Variants in TSHZ2 observed in about 807,000 individuals in gnomAD.
The protein encoded by TSHZ2 is teashirt homolog 2.
In TSHZ2, 21 loss-of-function variants were observed where a neutral mutation model predicts 74.4. That is an observed-to-expected ratio of 0.28 (90% CI 0.20 to 0.41). The LOEUF is 0.41. TSHZ2 is among the 10% of genes least tolerant of loss of function. TSHZ2 has a pLI of 1.00. For missense variants in TSHZ2, 1,244 were observed against 1,293.5 expected, an observed-to-expected ratio of 0.96 and a Z score of 0.59; for synonymous variants, 540 against 515.3, an observed-to-expected ratio of 1.05 and a Z score of -0.65.
intron 1 of TSHZ2, among the ~76,000 whole-genome samples, chr20:53,213,670 C>A (rs557964045): frequency 1.4e-5 from 2 of 147,736 alleles, no homozygotes; most frequent in South Asian, 4.4e-4. Context: ...TTTGGGACAC[C>A]ATTAAGAATT....
At chr20:53,459,634 T>C (rs1198776013) in intron 2 of TSHZ2, among the ~76,000 whole-genome samples, 5 of 142,584 alleles carry the variant, frequency 3.5e-5, no homozygotes, top group Non-Finnish European at 6.0e-5. Context: ...CGTTAGTTGA[T>C]GCAGTTTCTT....
At chr20:53,182,858 A>G (rs1013847351) in intron 1 of TSHZ2, among the ~76,000 whole-genome samples, 1 of 152,124 alleles carries the variant, frequency 6.6e-6, no homozygotes, top group Admixed American at 6.5e-5. Context: ...ATAACCCCAA[A>G]TTTAGACACA....
intron 1 of TSHZ2, among the ~76,000 whole-genome samples, chr20:53,128,319 A>G (rs1475375138): frequency 6.6e-6 from 1 of 152,232 alleles, no homozygotes; most frequent in African/African-American, 2.4e-5. Context: ...TTTAGTATCA[A>G]CCAGCTACAT....
intron 1 of TSHZ2, among the ~76,000 whole-genome samples, chr20:52,991,410 G>A (rs1388739011): frequency 2.1e-5 from 3 of 143,972 alleles, no homozygotes; most frequent in Non-Finnish European, 3.0e-5. Context: ...TGTTGTGGGG[G>A]GAGAGAGTGT....
intron 1 of TSHZ2, among the ~76,000 whole-genome samples, chr20:53,023,924 C>T (rs925286716): frequency 1.3e-5 from 2 of 152,060 alleles, no homozygotes; most frequent in East Asian, 1.9e-4. Flanking sequence ...CCTCTGTTTG[C>T]ACCATTAGTG....
chr20:53,040,387 C>T (rs1420115893), intron 1 of TSHZ2, among the ~76,000 whole-genome samples: 4 of 152,070 alleles, frequency 2.6e-5, no homozygotes, highest in Non-Finnish European at 4.4e-5. Flanking sequence ...GTAAGTGGTG[C>T]AAAGGCTTGT....
At chr20:53,246,040 C>CTT (rs57243805) in intron 1 of TSHZ2, among the ~76,000 whole-genome samples, 42 of 130,648 alleles carry the variant, frequency 3.2e-4, no homozygotes, top group African/African-American at 9.9e-4. Context: ...TTCTTTCTTT[C>CTT]TTTTTTTTTT....
chr20:53,473,323 C>T (rs1200419094), intron 2 of TSHZ2, among the ~76,000 whole-genome samples: 5 of 143,318 alleles, frequency 3.5e-5, no homozygotes, highest in South Asian at 2.3e-4. Flanking sequence ...AACGGGCAGA[C>T]TGCCTCCTCA....
chr20:53,066,279 G>GTCA (rs1298083695), intron 1 of TSHZ2, among the ~76,000 whole-genome samples: 7 of 152,254 alleles, frequency 4.6e-5, no homozygotes, highest in African/African-American at 1.7e-4. Context: ...AGGCCAAGGA[G>GTCA]GCCCTGCAAG....
chr20:53,337,215 A>G (rs1366085974), intron 2 of TSHZ2, among the ~76,000 whole-genome samples: 18 of 152,222 alleles, frequency 1.2e-4, no homozygotes, highest in Admixed American at 1.2e-3. Flanking sequence ...TTCTCCCTGC[A>G]TGCATTGTTG....
chr20:53,374,937 A>C (rs950810746), intron 2 of TSHZ2, among the ~76,000 whole-genome samples: 17 of 152,224 alleles, frequency 1.1e-4, no homozygotes, highest in Admixed American at 2.6e-4. Flanking sequence ...AAAAAAAAAA[A>C]AACACTATTT....
At chr20:53,477,576 T>A (rs368311809) in intron 2 of TSHZ2, among the ~76,000 whole-genome samples, 21 of 138,722 alleles carry the variant, frequency 1.5e-4, no homozygotes, top group Admixed American at 3.0e-4. Flanking sequence ...AAACCTAGGC[T>A]TTACCATTCA....
chr20:53,342,880 C>G lies in TSHZ2; in HGVS notation c.*8+86309C>G, dbSNP rs1366985487. ...CTGTACCTACTCATCACCTGAGGAT[C>G]TTGTTAAAAATGCAGGTTCCGTAGG... On this transcript the variant is annotated intron_variant, in intron 2 of 2. Transcript: ENST00000371497. 4.8e-5 allele frequency among the ~76,000 whole-genome samples: 7 copies of G among 147,282 alleles called. No homozygotes were observed. In the Admixed American group the frequency reaches 4.8e-4, roughly 10 times the overall value.
At chr20:53,146,398 T>G (rs1023107235) in intron 1 of TSHZ2, among the ~76,000 whole-genome samples, 1 of 152,050 alleles carries the variant, frequency 6.6e-6, no homozygotes, top group Non-Finnish European at 1.5e-5. Context: ...CAGAGAGAGA[T>G]AACATGGAGC....
intron 1 of TSHZ2, among the ~76,000 whole-genome samples, chr20:53,026,635 A>C (rs768178972): frequency 1.3e-5 from 2 of 152,208 alleles, no homozygotes; most frequent in African/African-American, 2.4e-5. Context: ...CATGCAAATA[A>C]GAGAGAAAAA....
At chr20:52,994,878 G>A (rs1001893191) in intron 1 of TSHZ2, among the ~76,000 whole-genome samples, 1 of 152,140 alleles carries the variant, frequency 6.6e-6, no homozygotes, top group Non-Finnish European at 1.5e-5. Context: ...CACATGCCAG[G>A]CTCTGTCCCA....
At chr20:53,201,221 G>A (rs1053070275) in intron 1 of TSHZ2, among the ~76,000 whole-genome samples, 1 of 152,148 alleles carries the variant, frequency 6.6e-6, no homozygotes, top group Non-Finnish European at 1.5e-5. Flanking sequence ...TATCACAAAC[G>A]TAGTGGCATA....
intron 1 of TSHZ2, among the ~76,000 whole-genome samples, chr20:53,177,741 A>C (rs1178202929): frequency 6.6e-6 from 1 of 150,700 alleles, no homozygotes; most frequent in Non-Finnish European, 1.5e-5. Context: ...ATAAATAAAA[A>C]TCTGGTCATG....
intron 1 of TSHZ2, chr20:53,185,371 G>C: frequency 8.4e-7 from 1 of 1,191,878 alleles, no homozygotes; most frequent in Non-Finnish European, 1.0e-6. Flanking sequence ...ATTGGTGATA[G>C]CCTCTGACTT....
Sources: gnomAD v4.1 joint callset for allele counts (sites outside exome capture counted in the v4.1 genomes callset) on GRCh38, gnomAD v4.1.1 for gene constraint, MANE v1.5 for transcripts, NCBI Gene and HGNC (gene_info 2026-07-23, HGNC 2026-07-21) for gene names.